The following PTER variants were observed in gnomAD, a reference collection of about 807,000 sequenced individuals.
PTER encodes the protein phosphotriesterase related.
Under a neutral mutation model 29.6 loss-of-function variants are expected in PTER, and 38 were observed. That is an observed-to-expected ratio of 1.28 (90% CI 0.99 to 1.68). PTER has a LOEUF of 1.68. Among genes scored for constraint, PTER ranks in the 40% most tolerant of loss-of-function variants. PTER has a pLI of 0.00. For missense variants in PTER, 482 were observed against 427.8 expected (o/e 1.13, Z -1.12); for synonymous variants, 172 against 154.5 (o/e 1.11, Z -0.84).
chr10:16,504,874 C>A, intron 3 of PTER, 146 bp from the exon 4 acceptor site: 1 of 816,522 alleles, frequency 1.2e-6, no homozygotes, highest in Non-Finnish European at 1.9e-6. Context: ...TTTATACTCA[C>A]ATCATTAAGA....
downstream of PTER, among the ~76,000 whole-genome samples, chr10:16,515,747 G>A (rs914575833): frequency 6.6e-6 from 1 of 152,074 alleles, no homozygotes; most frequent in Non-Finnish European, 1.5e-5. Flanking sequence ...TCTTTCAACA[G>A]GCAGACTTAG....
intron 3 of PTER, among the ~76,000 whole-genome samples, chr10:16,498,834 A>G (rs1305187022): frequency 3.3e-5 from 5 of 152,174 alleles, no homozygotes; most frequent in South Asian, 4.1e-4. Context: ...CATAAATGCA[A>G]CTTCAGTAGC....
downstream of PTER, chr10:16,514,327 C>A (rs1473551450): frequency 1.2e-5 from 7 of 585,484 alleles, no homozygotes; most frequent in Non-Finnish European, 2.1e-5. Flanking sequence ...TAGTGGATCA[C>A]ACATCTGCTT....
chr10:16,467,685 G>A (rs1197733741), intron 1 of PTER, among the ~76,000 whole-genome samples: 2 of 152,114 alleles, frequency 1.3e-5, no homozygotes, highest in African/African-American at 4.8e-5. Context: ...GGTAGTGGGT[G>A]CCTGTAATCC....
intron 1 of PTER, among the ~76,000 whole-genome samples, chr10:16,479,198 CTTGCTGGGTCCCATTA>C (rs1335906361): frequency 6.6e-6 from 1 of 152,116 alleles, no homozygotes; most frequent in Non-Finnish European, 1.5e-5. Flanking sequence ...GTTTAAAGAA[CTTGCTGGGTCCCATTA>C]TTGCTCTGTA....
At chr10:16,439,408 CA>C (rs1833770641) in intron 1 of PTER, among the ~76,000 whole-genome samples, 1 of 152,084 alleles carries the variant, frequency 6.6e-6, no homozygotes, top group African/African-American at 2.4e-5. Flanking sequence ...CAAATAGAAG[CA>C]GAGAGTAAGA....
chr10:16,485,541 T>C (rs1379590794), intron 2 of PTER, among the ~76,000 whole-genome samples: 1 of 152,246 alleles, frequency 6.6e-6, no homozygotes, highest in East Asian at 1.9e-4. Flanking sequence ...TGTCAGCTCA[T>C]TCTTTGCAAA....
At chr10:16,442,598 A>G (rs557222980) in intron 1 of PTER, among the ~76,000 whole-genome samples, 34 of 152,200 alleles carry the variant, frequency 2.2e-4, no homozygotes, top group Non-Finnish European at 4.6e-4. Context: ...TGAGACTCCC[A>G]TCTCTATTAA....
intron 1 of PTER, among the ~76,000 whole-genome samples, chr10:16,440,672 G>A (rs1833817890): frequency 6.6e-6 from 1 of 152,224 alleles, no homozygotes; most frequent in Non-Finnish European, 1.5e-5. Flanking sequence ...GCCAGTGAAA[G>A]ATTTGTCACA....
At chr10:16,478,997 A>C (rs541553859) in intron 1 of PTER, among the ~76,000 whole-genome samples, 1 of 152,080 alleles carries the variant, frequency 6.6e-6, no homozygotes, top group South Asian at 2.1e-4. Context: ...CAGCACTGTC[A>C]CTTCCTGGGT....
rs528128101 is a variant in PTER, at chr10:16,446,570, T to C, written c.-49+9523T>C. 1.7e-4 allele frequency among the ~76,000 whole-genome samples: 26 copies of C among 152,300 alleles called. No homozygotes were observed. In the South Asian group the frequency reaches 5.2e-3, roughly 30 times the overall value. Reference sequence around the variant, plus strand: ...TTTAAAATGTTCTCCATGAAGACTCTACATAGTCCCATTTGTGTATTGAAT... The same window carrying C: ...TTTAAAATGTTCTCCATGAAGACTCCACATAGTCCCATTTGTGTATTGAAT... On this transcript the variant is annotated intron_variant, in intron 1 of 4. Transcript: ENST00000535784.
chr10:16,455,363 A>G (rs892946420), intron 1 of PTER, among the ~76,000 whole-genome samples: 1 of 152,036 alleles, frequency 6.6e-6, no homozygotes, highest in Non-Finnish European at 1.5e-5. Context: ...TGCTTTCCAT[A>G]TTTGCAACCG....
rs1239492755 is a variant in PTER, at chr10:16,441,682, G to A, written c.-49+4635G>A. On this transcript the variant is annotated intron_variant, in intron 1 of 4. Transcript: ENST00000535784. The stretch of plus-strand genomic sequence containing the variant: ...GATGATAAATTGCTTGGACGTGACT[G>A]GCCCAAGCACTAGTGTGATGAATTA... Among the ~76,000 whole-genome samples the A allele has an allele frequency of 3.3e-5, 5 of 152,204 alleles. No homozygotes were observed. The South Asian group carries it at 6.2e-4, about 19-fold the overall frequency.
intron 3 of PTER, among the ~76,000 whole-genome samples, chr10:16,493,481 A>G (rs1341735725): frequency 6.6e-6 from 1 of 151,984 alleles, no homozygotes; most frequent in Non-Finnish European, 1.5e-5. Context: ...ATGTTTCCCA[A>G]GTTAATTTTG....
intron 1 of PTER, among the ~76,000 whole-genome samples, chr10:16,457,661 C>A (rs1051263587): frequency 1.3e-5 from 2 of 151,856 alleles, no homozygotes; most frequent in African/African-American, 4.8e-5. Flanking sequence ...GTGCAGTGGC[C>A]TGATCTTGGC....
intron 1 of PTER, among the ~76,000 whole-genome samples, chr10:16,477,304 A>ATGTC (rs58626455): frequency 0.16 from 24,767 of 151,384 alleles, 3,854 homozygotes; most frequent in African/African-American, 0.41. Context: ...AGATAGATGG[A>ATGTC]TGTCTGTCTG....
At chr10:16,504,899 G>A (rs1588631516) in intron 3 of PTER, 121 bp from the exon 4 acceptor site, 2 of 1,091,134 alleles carry the variant, frequency 1.8e-6, no homozygotes, top group Admixed American at 2.3e-5. Context: ...TTTCAGAAGT[G>A]TCTGTTACTC....
chr10:16,481,149 T>C (rs192346494), intron 1 of PTER, among the ~76,000 whole-genome samples: 1 of 152,360 alleles, frequency 6.6e-6, no homozygotes, highest in Non-Finnish European at 1.5e-5. Flanking sequence ...ACAGAACTTT[T>C]GACCCATGTG....
chr10:16,516,733 G>C (rs1041390672), downstream of PTER, among the ~76,000 whole-genome samples: 1 of 152,108 alleles, frequency 6.6e-6, no homozygotes, highest in African/African-American at 2.4e-5. Context: ...CCACAAAACC[G>C]AGTGAACGTC....
Sources: allele counts gnomAD v4.1 joint callset (sites outside exome capture counted in the v4.1 genomes callset), GRCh38; gene constraint gnomAD v4.1.1; transcripts MANE v1.5; gene names NCBI Gene and HGNC (gene_info 2026-07-23, HGNC 2026-07-21).